The following BSCL2 variants were observed in gnomAD, a reference collection of about 807,000 sequenced individuals.
BSCL2 encodes the protein BSCL2 lipid droplet biogenesis associated, seipin.
BSCL2 carries 41 observed loss-of-function variants against 57.4 expected under a neutral mutation model. The ratio of observed to expected loss-of-function variants is 0.71; its 90% CI spans 0.56 to 0.93. The LOEUF (loss-of-function observed/expected upper bound fraction) is 0.93. Among genes scored for constraint, BSCL2 ranks in the 40% least tolerant of loss-of-function variants. The pLI, the probability that BSCL2 is intolerant of heterozygous loss-of-function variation, is 0.00. For synonymous variants in BSCL2, 237 were observed against 227.3 expected (o/e 1.04, Z -0.38); for missense variants, 539 against 586.7 (o/e 0.92, Z 0.84).
chr11:62,696,738 T>G (rs368412978), intron 3 of BSCL2, among the ~76,000 whole-genome samples: 1 of 152,030 alleles, frequency 6.6e-6, no homozygotes, highest in South Asian at 2.1e-4. Context: ...TTTATTTTTT[T>G]GTAGAGACGG....
chr11:62,692,546 G>A lies in BSCL2; in HGVS notation c.766-73C>T, dbSNP rs1945341160. On this transcript the variant is annotated intron_variant, in intron 5 of 10. Transcript: ENST00000360796. Reference sequence around the variant, plus strand: ...TAGCACTCTTACCCGCCTCATCTGAGCCCCACTTCCAGTCTCTCAGTTGTG... The same window carrying A: ...TAGCACTCTTACCCGCCTCATCTGAACCCCACTTCCAGTCTCTCAGTTGTG... 3.7e-6 allele frequency: 6 copies of A among 1,610,862 alleles called. No homozygotes were observed. In the African/African-American group the frequency reaches 4.0e-5, roughly 11 times the overall value.
chr11:62,692,672 T>C lies in BSCL2; in HGVS notation c.756A>G (p.Arg252=). ...LLEVELYADY[R]ENSYVPTTGA... ...CGTTCACCTCACTCACCGAGTTCTCTCTATAGTCTGCGTAGAGTTCCACCT... is the reference window on the plus strand; with the variant it reads ...CGTTCACCTCACTCACCGAGTTCTCCCTATAGTCTGCGTAGAGTTCCACCT... Residue 252 remains arginine, a synonymous_variant, in exon 5 of 11, where the codon AGA becomes AGG. Transcript: ENST00000360796. 1.2e-6 allele frequency: 2 copies of C among 1,614,082 alleles called. No homozygotes were observed. The highest frequency in any genetic ancestry group is 1.7e-6 in the Non-Finnish European group (2 of 1,180,030).
chr11:62,696,278 T>TTGTGTGTGTGTG (rs1197051764), intron 3 of BSCL2, among the ~76,000 whole-genome samples: 34,139 of 135,998 alleles, frequency 0.25, 4,972 homozygotes, highest in East Asian at 0.37. Flanking sequence ...CATAAACTTT[T>TTGTGTGTGTGTG]TGTGTGTGTG....
chr11:62,690,958 G>T, intron 8 of BSCL2, 91 bp from the exon 9 acceptor site: 1 of 1,577,444 alleles, frequency 6.3e-7, no homozygotes, highest in South Asian at 1.1e-5. Context: ...CCTTTCCTTT[G>T]ACCCTTGTCT....
At position 62,690,605 on chromosome 11, in the gene BSCL2, C is replaced by T. The variant is rs200631909; in HGVS notation, c.1234+7G>A. Reference sequence around the variant, plus strand: ...CCACCCAGGTCACGCTGCAGGATGCCCCTCACCATCACTGGCCTCAGGCTC... The same window carrying T: ...CCACCCAGGTCACGCTGCAGGATGCTCCTCACCATCACTGGCCTCAGGCTC... On this transcript the variant is annotated splice_region_variant and intron_variant, in intron 10 of 10. Coordinates refer to ENST00000360796, the MANE Select transcript of BSCL2 (RefSeq NM_001122955.4). 137 of 1,614,008 alleles carry T rather than the reference C, an allele frequency of 8.5e-5. No homozygotes were observed. In the East Asian group the frequency reaches 2.6e-3, roughly 31 times the overall value.
intron 8 of BSCL2, 56 bp from the exon 9 acceptor site, chr11:62,690,923 G>T: frequency 6.3e-7 from 1 of 1,595,616 alleles, no homozygotes; most frequent in South Asian, 1.1e-5. Flanking sequence ...GTGCCTGGAC[G>T]GCAGTGCCAA....
chr11:62,708,917 G>C (rs2083587387), upstream of BSCL2: 3 of 809,006 alleles, frequency 3.7e-6, no homozygotes, highest in Non-Finnish European at 6.3e-6. Flanking sequence ...CCTAACCCTT[G>C]CCTGACCATG....
intron 3 of BSCL2, among the ~76,000 whole-genome samples, chr11:62,699,407 A>AG (rs1329028418): frequency 1.3e-5 from 2 of 151,740 alleles, no homozygotes; most frequent in Admixed American, 1.3e-4. Flanking sequence ...CATGTTGGTC[A>AG]GGATGATCTC....
upstream of BSCL2, chr11:62,708,898 C>A: frequency 2.1e-6 from 2 of 940,612 alleles, no homozygotes; most frequent in Non-Finnish European, 3.4e-6. Context: ...AGGCTCCTTG[C>A]ATCCCATCCC....
intron 3 of BSCL2, among the ~76,000 whole-genome samples, chr11:62,702,055 G>A (rs780959301): frequency 2.9e-5 from 4 of 137,534 alleles, no homozygotes; most frequent in Non-Finnish European, 4.6e-5. Context: ...TTCCTTCAAA[G>A]CCTTCCTCTT....
chr11:62,708,205 G>T, upstream of BSCL2: 4 of 850,982 alleles, frequency 4.7e-6, no homozygotes, highest in South Asian at 5.3e-5. Context: ...ATTGGGGTAT[G>T]ACCACAGCCT....
At chr11:62,704,490 G>A (rs1044466636) in intron 2 of BSCL2, among the ~76,000 whole-genome samples, 29 of 152,050 alleles carry the variant, frequency 1.9e-4, no homozygotes, top group African/African-American at 6.8e-4. Flanking sequence ...AGCTTGCAGT[G>A]AGCCGACATG....
chr11:62,702,083 T>TA (rs397792086), intron 3 of BSCL2, among the ~76,000 whole-genome samples: 1 of 151,572 alleles, frequency 6.6e-6, no homozygotes, highest in Non-Finnish European at 1.5e-5. Flanking sequence ...TTTTTTTTTT[T>TA]AAGACAGAGC....
At chr11:62,698,003 G>T (rs1945525971) in intron 3 of BSCL2, among the ~76,000 whole-genome samples, 1 of 150,732 alleles carries the variant, frequency 6.6e-6, no homozygotes, top group African/African-American at 2.4e-5. Flanking sequence ...TGCCTCCCGG[G>T]TTCACGCCAT....
intron 1 of BSCL2, chr11:62,706,435 C>G (rs1208312391): frequency 2.1e-6 from 1 of 484,656 alleles, no homozygotes; most frequent in East Asian, 7.5e-5. Context: ...TGCGAGGTCG[C>G]TGTCTCCTTG....
At chr11:62,694,403 C>A (rs1287143850) in intron 4 of BSCL2, among the ~76,000 whole-genome samples, 165 bp downstream of exon 4, 1 of 151,558 alleles carries the variant, frequency 6.6e-6, no homozygotes, top group Non-Finnish European at 1.5e-5. Flanking sequence ...ATGGGTTTCG[C>A]CATGTTGCCC....
intron 3 of BSCL2, among the ~76,000 whole-genome samples, chr11:62,697,011 CG>C (rs1367409154): frequency 1.3e-5 from 2 of 151,328 alleles, no homozygotes; most frequent in African/African-American, 4.9e-5. Flanking sequence ...GCACTCCAAC[CG>C]GGGTGACAGA....
intron 8 of BSCL2, 92 bp from the exon 9 acceptor site, chr11:62,690,959 A>G: frequency 6.3e-7 from 1 of 1,579,310 alleles, no homozygotes. Flanking sequence ...CTTTCCTTTG[A>G]CCCTTGTCTC....
In BSCL2 at chr11:62,692,491, G is replaced by A. The variant is rs1420476717; in HGVS notation, c.766-18C>T. ...GGCACGTACTGTGAGGGGGTGGGGTGAGGGTGGCGTCAGGCCAGGGTCCTG... is the reference window on the plus strand; with the variant it reads ...GGCACGTACTGTGAGGGGGTGGGGTAAGGGTGGCGTCAGGCCAGGGTCCTG... On this transcript the variant is annotated intron_variant, in intron 5 of 10. Coordinates refer to ENST00000360796, the MANE Select transcript of BSCL2 (RefSeq NM_001122955.4). 6.2e-7 allele frequency: 1 copy of A among 1,613,112 alleles called. No homozygotes were observed. Among genetic ancestry groups the A allele is most frequent in the Admixed American group, 1.7e-5 (1 of 59,976 alleles).
Sources: gnomAD v4.1 joint callset for allele counts (sites outside exome capture counted in the v4.1 genomes callset) on GRCh38, gnomAD v4.1.1 for gene constraint, MANE v1.5 for transcripts, NCBI Gene and HGNC (gene_info 2026-07-23, HGNC 2026-07-21) for gene names.